The following RPGRIP1L variants were observed in gnomAD, a reference collection of about 807,000 sequenced individuals.
The protein encoded by RPGRIP1L is protein fantom.
In RPGRIP1L, 131 loss-of-function variants were observed where a neutral mutation model predicts 160.4. The observed-to-expected ratio is 0.82, with a 90% CI of 0.71 to 0.94. The LOEUF is 0.94. Among genes scored for constraint, RPGRIP1L ranks in the 40% least tolerant of loss-of-function variants. The probability of loss-of-function intolerance (pLI) is 0.00; values close to 1 mark genes in which losing one functional copy is unlikely to be tolerated. For missense variants in RPGRIP1L, 1,522 were observed against 1,535.8 expected (o/e 0.99, Z 0.15); for synonymous variants, 510 against 515.8 (o/e 0.99, Z 0.15).
intron 15 of RPGRIP1L, among the ~76,000 whole-genome samples, chr16:53,652,076 A>G (rs1966861461): frequency 1.3e-5 from 2 of 150,586 alleles, no homozygotes; most frequent in Non-Finnish European, 2.9e-5. Context: ...ATCATCAATG[A>G]CATTTTTTTT....
chr16:53,657,895 A>C (rs1300975183), intron 12 of RPGRIP1L, among the ~76,000 whole-genome samples: 1 of 152,154 alleles, frequency 6.6e-6, no homozygotes, highest in African/African-American at 2.4e-5. Flanking sequence ...TAGTTACTTT[A>C]TGACATATAA....
intron 23 of RPGRIP1L, 125 bp downstream of exon 23, chr16:53,622,094 G>A (rs1964764201): frequency 5.7e-6 from 2 of 353,032 alleles, no homozygotes; most frequent in East Asian, 8.9e-5. Flanking sequence ...GCCCGGCGCA[G>A]TGGCTCATGC....
rs187485623 is a variant in RPGRIP1L, at chr16:53,644,792, G to C, written c.2683+833C>G. On this transcript the variant is annotated intron_variant, in intron 17 of 26. Coordinates refer to ENST00000647211, the MANE Select transcript of RPGRIP1L (RefSeq NM_015272.5). ...AGATAACAGAATCCTCCCAGACTGA[G>C]AGAATTCACTACCAGTAGACCTAAC... Among the ~76,000 whole-genome samples the C allele has an allele frequency of 3.2e-4, 49 of 152,264 alleles. No homozygotes were observed. In the East Asian group the frequency reaches 9.4e-3, roughly 29 times the overall value.
At position 53,671,491 on chromosome 16, in the gene RPGRIP1L, AC is replaced by A. The variant is rs781191382; in HGVS notation, c.1103+18del. On this transcript the variant is annotated intron_variant, in intron 9 of 26. Coordinates refer to ENST00000647211, the MANE Select transcript of RPGRIP1L (RefSeq NM_015272.5). ...AGCTCAAACAAGACAATGAAAGAACACATGGAATCACGATTTACCTGTCATA... is the reference window on the plus strand; with the variant it reads ...AGCTCAAACAAGACAATGAAAGAACAATGGAATCACGATTTACCTGTCATA... 15 of 1,489,600 alleles carry A rather than the reference AC, an allele frequency of 1.0e-5. No homozygotes were observed. Among genetic ancestry groups the A allele is most frequent in the Non-Finnish European group, 1.4e-5 (15 of 1,067,884 alleles). The allele number at this position is 1,489,600 out of a possible 1,614,324, so 92.3% of individuals were successfully genotyped here. A position where few individuals can be genotyped will look rare whatever the true frequency, so the allele number is the denominator to read the frequency against.
intron 16 of RPGRIP1L, among the ~76,000 whole-genome samples, chr16:53,648,626 G>GCGCGCGCGCA (rs1555602385): frequency 6.3e-5 from 9 of 143,988 alleles, no homozygotes; most frequent in Non-Finnish European, 1.2e-4. Context: ...GCGCGCGCGC[G>GCGCGCGCGCA]CACACACACA....
intron 22 of RPGRIP1L, among the ~76,000 whole-genome samples, chr16:53,623,665 T>C (rs1012006933): frequency 6.6e-6 from 1 of 152,212 alleles, no homozygotes; most frequent in African/African-American, 2.4e-5. Flanking sequence ...AATACTGATC[T>C]CTAAGAGCAA....
chr16:53,632,019 A>G (rs933162569), intron 22 of RPGRIP1L, among the ~76,000 whole-genome samples: 2 of 152,248 alleles, frequency 1.3e-5, no homozygotes, highest in African/African-American at 4.8e-5. Flanking sequence ...GACAAAGTGA[A>G]GCTCATAAAT....
At chr16:53,694,483 T>G (rs1206440207) in intron 3 of RPGRIP1L, 1 of 151,472 alleles carries the variant, frequency 6.6e-6, no homozygotes, top group African/African-American at 2.4e-5. Flanking sequence ...TTATAAAATC[T>G]ACATTTATAG....
chr16:53,684,411 C>A (rs1185734502), intron 6 of RPGRIP1L, among the ~76,000 whole-genome samples: 2 of 152,018 alleles, frequency 1.3e-5, no homozygotes, highest in Non-Finnish European at 2.9e-5. Context: ...TACTATGCAG[C>A]CTTAAAAAAT....
At chr16:53,615,468 A>T (rs201203692) in intron 24 of RPGRIP1L, among the ~76,000 whole-genome samples, 1,987 of 69,710 alleles carry the variant, frequency 0.029, 40 homozygotes, top group African/African-American at 0.066. Flanking sequence ...ATATATATAT[A>T]TATATTTTTT....
intron 4 of RPGRIP1L, 136 bp from the exon 5 acceptor site, chr16:53,688,101 T>C: frequency 1.6e-6 from 1 of 622,402 alleles, no homozygotes; most frequent in Non-Finnish European, 2.8e-6. Context: ...CACAGAATTA[T>C]AAATACACTG....
At chr16:53,634,200 T>G (rs549051124) in intron 22 of RPGRIP1L, among the ~76,000 whole-genome samples, 1 of 152,256 alleles carries the variant, frequency 6.6e-6, no homozygotes, top group Non-Finnish European at 1.5e-5. Context: ...TATCAAGCCC[T>G]TTCAAAAGGG....
At chr16:53,625,177 G>A (rs901390781) in intron 22 of RPGRIP1L, among the ~76,000 whole-genome samples, 2 of 152,102 alleles carry the variant, frequency 1.3e-5, no homozygotes, top group Non-Finnish European at 1.5e-5. Flanking sequence ...GCCTCTGCCC[G>A]GCCGCCACCC....
At chr16:53,664,777 G>A in intron 10 of RPGRIP1L, 93 bp downstream of exon 10, 1 of 1,399,568 alleles carries the variant, frequency 7.1e-7, no homozygotes, top group Non-Finnish European at 1.0e-6. Context: ...GGGGATACTG[G>A]CAAACAGTAG....
intron 14 of RPGRIP1L, 135 bp from the exon 15 acceptor site, chr16:53,653,122 T>C: frequency 1.1e-6 from 1 of 890,622 alleles, no homozygotes; most frequent in Non-Finnish European, 1.7e-6. Flanking sequence ...ACTGTTTTTC[T>C]GTAAATAATA....
At chr16:53,644,428 A>G (rs1190791022) in intron 17 of RPGRIP1L, among the ~76,000 whole-genome samples, 2 of 152,230 alleles carry the variant, frequency 1.3e-5, no homozygotes, top group Non-Finnish European at 2.9e-5. Flanking sequence ...AACTGAAAAA[A>G]TAATGGCAGT....
At chr16:53,605,791 T>C (rs1963644649) in intron 25 of RPGRIP1L, among the ~76,000 whole-genome samples, 177 bp from the exon 26 acceptor site, 1 of 152,246 alleles carries the variant, frequency 6.6e-6, no homozygotes, top group African/African-American at 2.4e-5. Flanking sequence ...AGAATTGTTA[T>C]AAAACACCCA....
At chr16:53,678,020 A>G (rs1262775496) in intron 6 of RPGRIP1L, among the ~76,000 whole-genome samples, 1 of 152,214 alleles carries the variant, frequency 6.6e-6, no homozygotes, top group Non-Finnish European at 1.5e-5. Flanking sequence ...ATCTGCAAAC[A>G]GATATCAAGC....
At chr16:53,661,529 G>A (rs183054218) in intron 10 of RPGRIP1L, among the ~76,000 whole-genome samples, 2 of 152,038 alleles carry the variant, frequency 1.3e-5, no homozygotes, top group African/African-American at 2.4e-5. Context: ...AATATAGTCC[G>A]AAGTATGTAA....
Sources: gnomAD v4.1 joint callset for allele counts (sites outside exome capture counted in the v4.1 genomes callset) on GRCh38, gnomAD v4.1.1 for gene constraint, MANE v1.5 for transcripts, NCBI Gene and HGNC (gene_info 2026-07-23, HGNC 2026-07-21) for gene names.